FRMPD4: variants seen among roughly 807,000 people sequenced by gnomAD.
FRMPD4 encodes the protein FERM and PDZ domain containing 4, also known as FERM and PDZ domain-containing protein 4.
Under a neutral mutation model 94.1 loss-of-function variants are expected in FRMPD4, and 22 were observed. The ratio of observed to expected loss-of-function variants is 0.23; its 90% CI spans 0.17 to 0.33. The LOEUF (loss-of-function observed/expected upper bound fraction) is 0.33, where lower values mean the gene tolerates loss of function less well. Ranked by LOEUF, FRMPD4 falls within the 10% of genes least tolerant of loss-of-function variation. FRMPD4 has a pLI of 1.00. For synonymous variants in FRMPD4, 631 were observed against 548.6 expected, an observed-to-expected ratio of 1.15 and a Z score of -2.10; for missense variants, 1,111 against 1,339.9, an observed-to-expected ratio of 0.83 and a Z score of 2.67.
chrX:12,611,489 C>A (rs2059183540), intron 3 of FRMPD4, among the ~76,000 whole-genome samples: 1 of 93,712 alleles, frequency 1.1e-5, no homozygotes, highest in African/African-American at 4.1e-5. Flanking sequence ...TAGTATCTAC[C>A]TTGTAGGGCT....
intron 1 of FRMPD4, among the ~76,000 whole-genome samples, chrX:12,202,182 C>T (rs1003743732): frequency 1.8e-5 from 2 of 111,399 alleles, no homozygotes; most frequent in African/African-American, 6.5e-5. Flanking sequence ...ACAGTGTACA[C>T]GGACTATTTT....
chrX:12,161,317 C>T (rs1260512369), intron 1 of FRMPD4, among the ~76,000 whole-genome samples: 2 of 111,627 alleles, frequency 1.8e-5, no homozygotes, highest in Non-Finnish European at 1.9e-5. Context: ...CACCACCACA[C>T]TGGGCTAATT....
At chrX:11,841,559 C>G (rs1448865701) in intron 1 of FRMPD4, among the ~76,000 whole-genome samples, 1 of 110,247 alleles carries the variant, frequency 9.1e-6, no homozygotes, top group Non-Finnish European at 1.9e-5. Flanking sequence ...TGAGACGTGT[C>G]TGTTCATATC....
At chrX:12,066,871 G>GCTTTTTTT (rs1555920311) in intron 3 of FRMPD4, among the ~76,000 whole-genome samples, 8 of 100,073 alleles carry the variant, frequency 8.0e-5, no homozygotes, top group African/African-American at 2.9e-4. Flanking sequence ...TTTTGTTTTT[G>GCTTTTTTT]TTTTTGTTTT....
chrX:12,064,337 A>G (rs1237676648), intron 3 of FRMPD4, among the ~76,000 whole-genome samples: 2 of 112,251 alleles, frequency 1.8e-5, no homozygotes, highest in Non-Finnish European at 3.8e-5. Flanking sequence ...TTGGGATTTG[A>G]ACCAAATTTT....
intron 1 of FRMPD4, among the ~76,000 whole-genome samples, chrX:12,343,807 C>T (rs924859227): frequency 8.9e-6 from 1 of 111,824 alleles, no homozygotes; most frequent in African/African-American, 3.3e-5. Context: ...AAAATCGCTA[C>T]AGCAGCATGA....
At chrX:12,706,766 C>T in intron 11 of FRMPD4, 60 bp from the exon 12 acceptor site, 1 of 596,406 alleles carries the variant, frequency 1.7e-6, no homozygotes, top group Non-Finnish European at 2.7e-6. Context: ...TGCTAGTCTC[C>T]AGCTGAAATG....
At chrX:12,111,309 G>A (rs1464207293) in intron 3 of FRMPD4, among the ~76,000 whole-genome samples, 1 of 111,420 alleles carries the variant, frequency 9.0e-6, no homozygotes, top group East Asian at 2.8e-4. Context: ...GACAAAAACA[G>A]GAAATGGGGA....
At chrX:12,449,500 T>G (rs2057239477) in intron 1 of FRMPD4, among the ~76,000 whole-genome samples, 1 of 112,301 alleles carries the variant, frequency 8.9e-6, no homozygotes, top group African/African-American at 3.2e-5. Context: ...AAAATTTTTC[T>G]TAAAATAATG....
intron 1 of FRMPD4, among the ~76,000 whole-genome samples, chrX:12,474,737 T>G (rs1256134851): frequency 9.0e-6 from 1 of 111,332 alleles, no homozygotes; most frequent in Non-Finnish European, 1.9e-5. Context: ...CCTCGACACA[T>G]ACACCCTCCC....
chrX:12,437,646 GTCT>G (rs1031228817), intron 1 of FRMPD4, among the ~76,000 whole-genome samples: 5 of 111,438 alleles, frequency 4.5e-5, no homozygotes, highest in African/African-American at 1.6e-4. Flanking sequence ...TTACTCCATT[GTCT>G]TCTGGAATTT....
rs1295895311 is a variant in FRMPD4 at position 12,718,231 on chromosome X, T to A, written c.3405T>A (p.Asp1135Glu). The A allele has an allele frequency of 3.3e-6, 4 of 1,211,393 alleles. No individual in the cohort carries two copies. In the East Asian group the frequency reaches 1.2e-4, roughly 36 times the overall value. ...EAEGKEEGAPDGETSDGSGLG... is the reference protein window; with the variant it reads ...EAEGKEEGAPEGETSDGSGLG... The stretch of plus-strand genomic sequence containing the variant: ...AAGGGAAGGAAGAAGGAGCTCCTGA[T>A]GGAGAAACCAGTGATGGCTCAGGAC... The change falls in exon 16 of 17, where the codon GAT becomes GAA. Residue 1135 changes from aspartate (D) to glutamate (E), a missense_variant. Transcript: ENST00000675598.
chrX:12,120,386 G>A (rs2055444178), intron 3 of FRMPD4, among the ~76,000 whole-genome samples: 1 of 111,971 alleles, frequency 8.9e-6, no homozygotes, highest in African/African-American at 3.3e-5. Flanking sequence ...ATCTCTGCTA[G>A]GATGCATAGA....
chrX:12,660,734 A>C (rs2059705227), intron 4 of FRMPD4, among the ~76,000 whole-genome samples: 1 of 112,501 alleles, frequency 8.9e-6, no homozygotes, highest in Admixed American at 9.4e-5. Context: ...ATAATTGGTT[A>C]TCTCTCATGG....
intron 1 of FRMPD4, among the ~76,000 whole-genome samples, chrX:12,167,445 G>A (rs1221608622): frequency 9.0e-6 from 1 of 111,098 alleles, no homozygotes; most frequent in Admixed American, 9.6e-5. Flanking sequence ...TAAGAATATG[G>A]GGAAAATTGT....
intron 3 of FRMPD4, among the ~76,000 whole-genome samples, chrX:12,078,104 G>A (rs769924389): frequency 1.8e-5 from 2 of 111,314 alleles, no homozygotes; most frequent in African/African-American, 6.5e-5. Flanking sequence ...CCTTGAGGTC[G>A]TAGAACCAAA....
intron 2 of FRMPD4, among the ~76,000 whole-genome samples, chrX:12,563,267 CACACACAT>C (rs1681769925): frequency 9.0e-6 from 1 of 110,957 alleles, no homozygotes; most frequent in Non-Finnish European, 1.9e-5. Context: ...CACACACACA[CACACACAT>C]ACCAGACCTC....
At chrX:12,366,197 A>G (rs778613773) in intron 1 of FRMPD4, among the ~76,000 whole-genome samples, 3 of 112,071 alleles carry the variant, frequency 2.7e-5, no homozygotes, top group Non-Finnish European at 5.6e-5. Flanking sequence ...GTGCGAGGTC[A>G]TTTCAATGAA....
At chrX:12,321,569 T>G (rs1424914855) in intron 1 of FRMPD4, among the ~76,000 whole-genome samples, 1 of 112,425 alleles carries the variant, frequency 8.9e-6, no homozygotes, top group Non-Finnish European at 1.9e-5. Context: ...TAAGCTATGA[T>G]GTTCAGTAGG....
Sources: allele counts gnomAD v4.1 joint callset (sites outside exome capture counted in the v4.1 genomes callset), GRCh38; gene constraint gnomAD v4.1.1; transcripts MANE v1.5; gene names NCBI Gene and HGNC (gene_info 2026-07-23, HGNC 2026-07-21).